The following RPL10 variants were observed in gnomAD, a reference collection of about 807,000 sequenced individuals.
RPL10 encodes the protein ribosomal protein L10, also known as large ribosomal subunit protein uL16.
RPL10 carries 1 observed loss-of-function variant against 15.7 expected under a neutral mutation model. That is an observed-to-expected ratio of 0.06 (90% CI 0.02 to 0.30). The LOEUF (loss-of-function observed/expected upper bound fraction) is 0.30. Among genes scored for constraint, RPL10 ranks in the 10% least tolerant of loss-of-function variants. The probability of loss-of-function intolerance (pLI) is 1.00; values close to 1 mark genes in which losing one functional copy is unlikely to be tolerated. For missense variants in RPL10, 54 were observed against 183.4 expected, an observed-to-expected ratio of 0.29 and a Z score of 4.08; for synonymous variants, 59 against 64.0, an observed-to-expected ratio of 0.92 and a Z score of 0.37.
At chrX:154,400,669 C>T (rs782438153) in intron 6 of RPL10, 33 bp from the exon 7 acceptor site, 2 of 1,209,050 alleles carry the variant, frequency 1.7e-6, no homozygotes, top group Admixed American at 4.4e-5. Flanking sequence ...TTGCCCCAGG[C>T]CTCCTGACTC....
chrX:154,399,636 C>T (rs1216829616), intron 4 of RPL10, 42 bp downstream of exon 4: 2 of 1,176,106 alleles, frequency 1.7e-6, no homozygotes, highest in Admixed American at 2.2e-5. Flanking sequence ...AGTCCTTCCT[C>T]CGTGCTCCCT....
intron 2 of RPL10, 148 bp from the exon 3 acceptor site, chrX:154,399,190 T>G: frequency 1.7e-6 from 1 of 595,324 alleles, no homozygotes; most frequent in Non-Finnish European, 2.9e-6. Context: ...GCTTTGTAGT[T>G]TATTTCCCCG....
intron 4 of RPL10, 42 bp from the exon 5 acceptor site, chrX:154,399,761 A>G (rs377635505): frequency 2.5e-6 from 3 of 1,206,360 alleles, no homozygotes; most frequent in Non-Finnish European, 3.4e-6. Flanking sequence ...ATGTTTCTCT[A>G]TTATCTTCTC....
In RPL10 at chrX:154,401,175, C is replaced by G. The variant is rs1434128212; in HGVS notation, c.*321C>G. 11 of 381,149 alleles carry G rather than the reference C, an allele frequency of 2.9e-5. No individual in the cohort carries two copies. The highest frequency in any genetic ancestry group is 4.6e-5 in the Admixed American group (1 of 21,571). 31.4% of individuals were successfully genotyped at this position (381,149 alleles called of 1,213,427 possible). A position where few individuals can be genotyped will look rare whatever the true frequency, so the allele number is the denominator to read the frequency against. On this transcript the variant is annotated 3_prime_UTR_variant, in exon 7 of 7. Coordinates refer to ENST00000369817, the MANE Select transcript of RPL10 (RefSeq NM_006013.5). ...ACAGCTGCAGCAAAGCCTTGCAATC[C>G]CAGGCTGGGGTCAGCCTACAGTTGT...
At chrX:154,399,247 G>C in intron 2 of RPL10, 91 bp from the exon 3 acceptor site, 1 of 924,014 alleles carries the variant, frequency 1.1e-6, no homozygotes, top group Non-Finnish European at 1.6e-6. Flanking sequence ...CCCTTTTCCC[G>C]TCCCTCGTTT....
intron 3 of RPL10, 43 bp from the exon 4 acceptor site, chrX:154,399,444 G>T: frequency 8.3e-7 from 1 of 1,208,551 alleles, no homozygotes. Flanking sequence ...CGGACTCCGC[G>T]TCCGTCTGTG....
At chrX:154,398,666 C>T (rs1380372436) in intron 2 of RPL10, 124 bp downstream of exon 2, 44 of 865,139 alleles carry the variant, frequency 5.1e-5, no homozygotes, top group Non-Finnish European at 7.3e-5. Context: ...TGGGAACTGA[C>T]CCTATGTTTT....
intron 5 of RPL10, chrX:154,400,253 G>T (rs1258976353): frequency 5.2e-6 from 3 of 573,221 alleles, no homozygotes; most frequent in Non-Finnish European, 6.2e-6. Flanking sequence ...GAGCCCAGTG[G>T]CGCCTTTTCA....
chrX:154,399,955 G>A lies in RPL10; in HGVS notation c.329+14G>A, dbSNP rs781994305. 2.5e-6 allele frequency: 3 copies of A among 1,211,454 alleles called. No individual in the cohort carries two copies. The highest frequency in any genetic ancestry group is 3.4e-6 in the Non-Finnish European group (3 of 895,158). On this transcript the variant is annotated intron_variant, in intron 5 of 6. Coordinates refer to ENST00000369817, the MANE Select transcript of RPL10 (RefSeq NM_006013.5). Reference sequence around the variant, plus strand: ...TGGGGCTGACAGGTGAGCTTGGTCTGGGCCTTTTAAGGCAGTTGGAGTCTC... The same window carrying A: ...TGGGGCTGACAGGTGAGCTTGGTCTAGGCCTTTTAAGGCAGTTGGAGTCTC...
In RPL10 at chrX:154,400,996, C is replaced by T; in HGVS notation, c.*142C>T. 2 of 1,165,719 alleles carry T rather than the reference C, an allele frequency of 1.7e-6. No homozygotes were observed. The highest frequency in any genetic ancestry group is 2.3e-6 in the Non-Finnish European group (2 of 872,162). On this transcript the variant is annotated 3_prime_UTR_variant, in exon 7 of 7. Coordinates refer to ENST00000369817, the MANE Select transcript of RPL10 (RefSeq NM_006013.5). ...GGTCATTGCCCTTTCACTTCAGAAA[C>T]AGGTTGACAACTCAGCCCTGCTCAT...
chrX:154,399,726 C>T, intron 4 of RPL10, 77 bp from the exon 5 acceptor site: 1 of 1,182,076 alleles, frequency 8.5e-7, no homozygotes, highest in South Asian at 1.8e-5. Flanking sequence ...ACACAGTTCC[C>T]CTGAGCTGGA....
chrX:154,398,466 T>C (rs782762478), intron 1 of RPL10, 31 bp from the exon 2 acceptor site: 1 of 1,206,167 alleles, frequency 8.3e-7, no homozygotes, highest in South Asian at 1.8e-5. Flanking sequence ...TGTTCTCGTC[T>C]TCCGTTCCGA....
At chrX:154,399,440 C>G (rs782263521) in intron 3 of RPL10, 44 bp downstream of exon 3, 4 of 1,207,598 alleles carry the variant, frequency 3.3e-6, no homozygotes, top group Non-Finnish European at 4.5e-6. Flanking sequence ...TCTGCGGACT[C>G]CGCGTCCGTC....
At position 154,401,221 on chromosome X, in the gene RPL10, C is replaced by T. The variant is rs60307723; in HGVS notation, c.*367C>T. On this transcript the variant is annotated 3_prime_UTR_variant, in exon 7 of 7. Transcript: ENST00000369817. ...GTTGTGTTGCTTATTACAACACATG[C>T]GGACCAAGAGGGGCTTGTGGGCTAG... is the stretch of plus-strand genomic sequence containing the variant. The T allele has an allele frequency of 8.6e-3, 2,398 of 279,300 alleles. 61 individuals are homozygous for T. The highest frequency in any genetic ancestry group is 0.063 in the African/African-American group (2,241 of 35,490). 23.0% of individuals were successfully genotyped at this position (279,300 alleles called of 1,213,427 possible).
In RPL10 at chrX:154,401,660, G is replaced by A. The variant is rs189484012; in HGVS notation, c.*806G>A. 1 of 111,871 alleles carries A rather than the reference G, an allele frequency of 8.9e-6. No individual in the cohort carries two copies. The highest frequency in any genetic ancestry group is 2.8e-4 in the East Asian group (1 of 3,579). 9.2% of individuals were successfully genotyped at this position (111,871 alleles called of 1,213,427 possible). ...TGTATCCAGGGACAGGACTCCAAAG[G>A]CTTTTGGTCCCAGAGCTGGGGTATG... On this transcript the variant is annotated 3_prime_UTR_variant, in exon 7 of 7. Transcript: ENST00000369817.
In RPL10 at chrX:154,399,827, C is replaced by A. The variant is rs2067989966; in HGVS notation, c.215C>A (p.Ala72Asp). The A allele has an allele frequency of 8.3e-7, 1 of 1,210,096 alleles. No individual in the cohort carries two copies. The highest frequency in any genetic ancestry group is 1.7e-5 in the African/African-American group (1 of 57,260). The change falls in exon 5 of 7, where the codon GCC (alanine) becomes GAC (aspartate). Residue 72 changes from alanine (A) to aspartate (D), a missense_variant. Physicochemically the swap from Ala to Asp is moderately radical, Grantham distance 126 (BLOSUM62 -2). Transcript: ENST00000369817. ...SEALEAARIC[A>D]NKYMVKSCGK... ...GCCCTGGAGGCTGCCCGAATTTGTG[C>A]CAATAAGTACATGGTAAAAAGTTGT...
At chrX:154,398,301 G>T (rs782204308), upstream of RPL10, 1 of 552,271 alleles carries the variant, frequency 1.8e-6, no homozygotes, top group South Asian at 2.3e-5. Context: ...GCGTCCACCC[G>T]TCTTCGACAG....
Position 154,401,661 on chromosome X carries a change from C to T in RPL10, c.*807C>T, listed in dbSNP as rs1277067729. 8.9e-6 allele frequency: 1 copy of T among 111,933 alleles called. No homozygotes were observed. The highest frequency in any genetic ancestry group is 1.9e-5 in the Non-Finnish European group (1 of 53,134). 9.2% of individuals were successfully genotyped at this position (111,933 alleles called of 1,213,427 possible). A position where few individuals can be genotyped will look rare whatever the true frequency, so the allele number is the denominator to read the frequency against. On this transcript the variant is annotated 3_prime_UTR_variant, in exon 7 of 7. Coordinates refer to ENST00000369817, the MANE Select transcript of RPL10 (RefSeq NM_006013.5). ...GTATCCAGGGACAGGACTCCAAAGGCTTTTGGTCCCAGAGCTGGGGTATGT... is the reference window on the plus strand; with the variant it reads ...GTATCCAGGGACAGGACTCCAAAGGTTTTTGGTCCCAGAGCTGGGGTATGT...
Position 154,400,987 on chromosome X carries a change from C to G in RPL10, c.*133C>G. 1 of 1,168,027 alleles carries G rather than the reference C, an allele frequency of 8.6e-7. No homozygotes were observed. Among genetic ancestry groups the G allele is most frequent in the Non-Finnish European group, 1.1e-6 (1 of 873,419 alleles). On this transcript the variant is annotated 3_prime_UTR_variant, in exon 7 of 7. Coordinates refer to ENST00000369817, the MANE Select transcript of RPL10 (RefSeq NM_006013.5). ...GAACCTTTGGGTCATTGCCCTTTCA[C>G]TTCAGAAACAGGTTGACAACTCAGC...
Sources: gnomAD v4.1 joint callset for allele counts on GRCh38, gnomAD v4.1.1 for gene constraint, MANE v1.5 for transcripts, NCBI Gene and HGNC (gene_info 2026-07-23, HGNC 2026-07-21) for gene names.